ANO6: variants seen among roughly 807,000 people sequenced by gnomAD.
ANO6 encodes anoctamin 6.
ANO6 carries 106 observed loss-of-function variants against 117.5 expected under a neutral mutation model. That is an observed-to-expected ratio of 0.90 (90% confidence interval 0.77 to 1.06). The LOEUF is 1.06. Ranked by LOEUF, ANO6 falls within the 50% of genes least tolerant of loss-of-function variation. The probability of loss-of-function intolerance (pLI) is 0.00; values close to 1 mark genes in which losing one functional copy is unlikely to be tolerated. For synonymous variants in ANO6, 367 were observed against 385.1 expected (o/e 0.95, Z 0.55); for missense variants, 955 against 1,121.1 (o/e 0.85, Z 2.12).
chr12:45,342,967 C>T (rs966739769), intron 3 of ANO6, among the ~76,000 whole-genome samples: 11 of 151,862 alleles, frequency 7.2e-5, no homozygotes, highest in Admixed American at 3.9e-4. Context: ...AGAGGTGGTG[C>T]CCAACTACTG....
intron 3 of ANO6, among the ~76,000 whole-genome samples, chr12:45,343,138 T>C (rs1435033015): frequency 1.3e-5 from 2 of 152,014 alleles, no homozygotes; most frequent in Non-Finnish European, 2.9e-5. Context: ...AGTGGATAGC[T>C]AGGGGCCAGG....
intron 1 of ANO6, among the ~76,000 whole-genome samples, chr12:45,282,178 A>G (rs1938760110): frequency 6.6e-6 from 1 of 152,202 alleles, no homozygotes; most frequent in African/African-American, 2.4e-5. Context: ...TTGAGAGGGA[A>G]GCATAAGTCC....
intron 1 of ANO6, among the ~76,000 whole-genome samples, chr12:45,277,706 T>A (rs1938598079): frequency 6.6e-6 from 1 of 152,236 alleles, no homozygotes; most frequent in Admixed American, 6.5e-5. Flanking sequence ...AAGTATATAA[T>A]TCAAAGGTGG....
chr12:45,226,044 A>G (rs1044778208), intron 1 of ANO6, among the ~76,000 whole-genome samples: 4 of 152,214 alleles, frequency 2.6e-5, no homozygotes, highest in African/African-American at 9.6e-5. Flanking sequence ...ACTAAAATTA[A>G]TTAGCATCCA....
At chr12:45,312,440 T>C (rs1287501627) in intron 2 of ANO6, among the ~76,000 whole-genome samples, 7 of 151,866 alleles carry the variant, frequency 4.6e-5, no homozygotes, top group African/African-American at 1.7e-4. Flanking sequence ...TCCCAGAAAA[T>C]TGAAAAGGAG....
chr12:45,337,228 A>C (rs1267153819), intron 3 of ANO6, among the ~76,000 whole-genome samples: 1 of 152,060 alleles, frequency 6.6e-6, no homozygotes, highest in African/African-American at 2.4e-5. Context: ...CCATGCCTGC[A>C]AGCTCCATTC....
At chr12:45,277,749 T>C (rs1453019060) in intron 1 of ANO6, among the ~76,000 whole-genome samples, 1 of 152,204 alleles carries the variant, frequency 6.6e-6, no homozygotes, top group Non-Finnish European at 1.5e-5. Context: ...TGAAGCCTTC[T>C]ACTTTCAGGA....
At chr12:45,335,472 T>C (rs1014024322) in intron 3 of ANO6, 3 of 151,978 alleles carry the variant, frequency 2.0e-5, no homozygotes, top group African/African-American at 7.2e-5. Flanking sequence ...CTCCTTTTAT[T>C]GAGATCTACT....
At chr12:45,274,979 T>A (rs986247234) in intron 1 of ANO6, among the ~76,000 whole-genome samples, 2 of 151,704 alleles carry the variant, frequency 1.3e-5, no homozygotes, top group African/African-American at 4.9e-5. Flanking sequence ...AAAACATTTA[T>A]CTCCAACTGA....
chr12:45,216,216 C>T lies in ANO6; in HGVS notation c.-106C>T, dbSNP rs1947307098. On this transcript the variant is annotated 5_prime_UTR_variant, in exon 1 of 20. Coordinates refer to ENST00000320560, the MANE Select transcript of ANO6 (RefSeq NM_001025356.3). ...CTCAGCGGCCCCTGAGCCCAAGCGA[C>T]ACACGCCCCGCGGTCCCCGATCCGG... 4.5e-6 allele frequency: 6 copies of T among 1,340,384 alleles called. No individual in the cohort carries two copies. The highest frequency in any genetic ancestry group is 6.3e-6 in the Non-Finnish European group (6 of 959,154). 83.0% of individuals were successfully genotyped at this position (1,340,384 alleles called of 1,614,324 possible).
At position 45,381,527 on chromosome 12, in the gene ANO6, G is replaced by C. The variant is rs79800685; in HGVS notation, c.1165+3414G>C. Among the ~76,000 whole-genome samples, 1,092 of 152,292 alleles carry C rather than the reference G, an allele frequency of 7.2e-3. 21 individuals are homozygous for C. The highest frequency in any genetic ancestry group is 0.025 in the African/African-American group (1,036 of 41,562). Reference sequence around the variant, plus strand: ...AGCATTGTGAGTCAGCACTGGCGTGGCCCAGGAGTACTCCAAAACACTGGA... The same window carrying C: ...AGCATTGTGAGTCAGCACTGGCGTGCCCCAGGAGTACTCCAAAACACTGGA... On this transcript the variant is annotated intron_variant, in intron 10 of 19. Transcript: ENST00000320560.
chr12:45,374,028 C>CAA (rs1941929143), intron 9 of ANO6, among the ~76,000 whole-genome samples: 9 of 152,048 alleles, frequency 5.9e-5, no homozygotes, highest in African/African-American at 2.2e-4. Context: ...GATATCACCG[C>CAA]CGATCCCACA....
At chr12:45,334,448 A>T (rs1940766206) in intron 3 of ANO6, among the ~76,000 whole-genome samples, 1 of 152,002 alleles carries the variant, frequency 6.6e-6, no homozygotes, top group African/African-American at 2.4e-5. Context: ...TGATTTTAAG[A>T]TGGCTGCTGC....
chr12:45,242,354 G>A (rs1947758267), intron 1 of ANO6, among the ~76,000 whole-genome samples: 1 of 152,276 alleles, frequency 6.6e-6, no homozygotes. Flanking sequence ...CAGTGAGCAA[G>A]GCTCTGGCCG....
Position 45,430,186 on chromosome 12 carries a change from T to G in ANO6, c.*875T>G, listed in dbSNP as rs947542819. 1.0e-5 allele frequency: 10 copies of G among 985,320 alleles called. No individual in the cohort carries two copies. Among genetic ancestry groups the G allele is most frequent in the Non-Finnish European group, 1.2e-5 (10 of 829,934 alleles). The allele number at this position is 985,320 out of a possible 1,614,324, so 61.0% of individuals were successfully genotyped here. A position where few individuals can be genotyped will look rare whatever the true frequency, so the allele number is the denominator to read the frequency against. The stretch of plus-strand genomic sequence containing the variant: ...AAACAGTGATATCACATGATTAAAA[T>G]TACATTTTTATCAACATAATTGTCT... On this transcript the variant is annotated 3_prime_UTR_variant, in exon 20 of 20. Coordinates refer to ENST00000320560, the MANE Select transcript of ANO6 (RefSeq NM_001025356.3).
At chr12:45,352,712 G>T (rs929625978) in intron 7 of ANO6, among the ~76,000 whole-genome samples, 1 of 147,270 alleles carries the variant, frequency 6.8e-6, no homozygotes. Context: ...GGGCAACAGA[G>T]TAAGACCCTG....
At chr12:45,306,671 T>A (rs1939680342) in intron 2 of ANO6, among the ~76,000 whole-genome samples, 1 of 152,128 alleles carries the variant, frequency 6.6e-6, no homozygotes, top group Non-Finnish European at 1.5e-5. Context: ...AGTTAAAATA[T>A]TAATTTACTA....
At chr12:45,277,615 T>TAA (rs1464708705) in intron 1 of ANO6, among the ~76,000 whole-genome samples, 1 of 152,230 alleles carries the variant, frequency 6.6e-6, no homozygotes, top group Non-Finnish European at 1.5e-5. Flanking sequence ...TAGAAAGGGT[T>TAA]AAAGGCAGGT....
At chr12:45,319,826 T>C (rs1443518909) in intron 2 of ANO6, among the ~76,000 whole-genome samples, 1 of 152,212 alleles carries the variant, frequency 6.6e-6, no homozygotes, top group Non-Finnish European at 1.5e-5. Flanking sequence ...CGATTCAACT[T>C]CTTCCTGGTT....
Sources: gnomAD v4.1 joint callset for allele counts (sites outside exome capture counted in the v4.1 genomes callset) on GRCh38, gnomAD v4.1.1 for gene constraint, MANE v1.5 for transcripts, NCBI Gene and HGNC (gene_info 2026-07-23, HGNC 2026-07-21) for gene names.